The following PDE4D variants were observed in gnomAD, a reference collection of about 807,000 sequenced individuals.
PDE4D encodes phosphodiesterase 4D.
PDE4D carries 24 observed loss-of-function variants against 87.4 expected under a neutral mutation model. The ratio of observed to expected loss-of-function variants is 0.27; its 90% confidence interval spans 0.20 to 0.39. The LOEUF (loss-of-function observed/expected upper bound fraction) is 0.39. Among genes scored for constraint, PDE4D ranks in the 10% least tolerant of loss-of-function variants. PDE4D has a pLI of 1.00. For missense variants in PDE4D, 714 were observed against 1,041.0 expected (o/e 0.69, Z 4.32); for synonymous variants, 384 against 383.2 (o/e 1.00, Z -0.02).
Position 59,507,228 on chromosome 5 carries a change from AG to A in PDE4D, c.456-291261del, listed in dbSNP as rs1809418832. Among the ~76,000 whole-genome samples the A allele has an allele frequency of 2.0e-5, 3 of 152,112 alleles. No homozygotes were observed. In the South Asian group the frequency reaches 6.2e-4, roughly 32 times the overall value. The stretch of plus-strand genomic sequence containing the variant: ...GTGCCTGTAGACCCAACTACTTAGG[AG>A]GCTGAGGCAGGAGAATTGCTTGAAC... On this transcript the variant is annotated intron_variant, in intron 1 of 14. Transcript: ENST00000340635.
intron 2 of PDE4D, among the ~76,000 whole-genome samples, chr5:60,086,344 C>A (rs988131955): frequency 1.3e-5 from 2 of 152,078 alleles, no homozygotes; most frequent in Non-Finnish European, 2.9e-5. Flanking sequence ...TACTCAATGT[C>A]CAGGGAGCTT....
chr5:60,153,836 A>G (rs540967812), intron 2 of PDE4D, among the ~76,000 whole-genome samples: 1 of 152,302 alleles, frequency 6.6e-6, no homozygotes, highest in East Asian at 1.9e-4. Flanking sequence ...ACAGAGTAAA[A>G]CAGTGGTTGC....
chr5:59,676,012 A>G lies in PDE4D; in HGVS notation c.455+217156T>C, dbSNP rs568291551. ...CAACCAAAAAATATAGTGTTAAGAG[A>G]TCACACTGTGACCTATAACATTTAT... On this transcript the variant is annotated intron_variant, in intron 1 of 14. Coordinates refer to ENST00000340635, the MANE Select transcript of PDE4D (RefSeq NM_001104631.2). Among the ~76,000 whole-genome samples, 12 of 152,210 alleles carry G rather than the reference A, an allele frequency of 7.9e-5. No homozygotes were observed. The East Asian group carries it at 2.3e-3, about 29-fold the overall frequency.
chr5:59,882,876 C>G (rs1293130393), intron 1 of PDE4D, among the ~76,000 whole-genome samples: 1 of 151,812 alleles, frequency 6.6e-6, no homozygotes, highest in Non-Finnish European at 1.5e-5. Context: ...CTCCCAGGGT[C>G]AAGCAATTCT....
intron 2 of PDE4D, among the ~76,000 whole-genome samples, chr5:60,009,580 T>C (rs1764816140): frequency 6.6e-6 from 1 of 152,014 alleles, no homozygotes; most frequent in Non-Finnish European, 1.5e-5. Flanking sequence ...CTAAAGTAGA[T>C]AGAATGTGTT....
intron 2 of PDE4D, among the ~76,000 whole-genome samples, chr5:60,158,084 G>A (rs1027973173): frequency 6.6e-6 from 1 of 152,128 alleles, no homozygotes; most frequent in Non-Finnish European, 1.5e-5. Flanking sequence ...TGAGTTAATT[G>A]CATGCTTAGC....
At chr5:59,593,495 A>C (rs1242904826) in intron 1 of PDE4D, among the ~76,000 whole-genome samples, 1 of 152,174 alleles carries the variant, frequency 6.6e-6, no homozygotes, top group African/African-American at 2.4e-5. Context: ...TCCCAGTAAA[A>C]AAGTAACATA....
At chr5:59,160,415 T>C (rs990798553) in intron 5 of PDE4D, among the ~76,000 whole-genome samples, 8 of 152,212 alleles carry the variant, frequency 5.3e-5, no homozygotes, top group Non-Finnish European at 1.0e-4. Context: ...TTACATCTTA[T>C]GCTTGAATAT....
intron 1 of PDE4D, among the ~76,000 whole-genome samples, chr5:59,246,428 A>C (rs559815924): frequency 6.6e-6 from 1 of 152,298 alleles, no homozygotes; most frequent in African/African-American, 2.4e-5. Flanking sequence ...TTCTGTATTC[A>C]TTATCCTAAT....
intron 1 of PDE4D, among the ~76,000 whole-genome samples, chr5:59,620,315 G>A (rs1830197789): frequency 6.6e-6 from 1 of 152,138 alleles, no homozygotes; most frequent in South Asian, 2.1e-4. Context: ...TCACACAGGT[G>A]GATTAATCCT....
chr5:59,132,796 A>T (rs758713615), intron 5 of PDE4D, among the ~76,000 whole-genome samples: 46 of 152,162 alleles, frequency 3.0e-4, no homozygotes, highest in Non-Finnish European at 5.1e-4. Context: ...TGTCAACAAG[A>T]TATACTAGAA....
intron 1 of PDE4D, among the ~76,000 whole-genome samples, chr5:59,274,214 G>C (rs1025127843): frequency 1.3e-5 from 2 of 152,022 alleles, no homozygotes; most frequent in South Asian, 2.1e-4. Context: ...TTTATTGCAC[G>C]TGTTATTTTG....
chr5:59,197,416 A>G (rs1014200698), intron 2 of PDE4D, among the ~76,000 whole-genome samples: 1 of 152,232 alleles, frequency 6.6e-6, no homozygotes, highest in Non-Finnish European at 1.5e-5. Flanking sequence ...TTTTAGTAAC[A>G]GTAAAATGAT....
intron 1 of PDE4D, among the ~76,000 whole-genome samples, chr5:59,825,984 A>T (rs1770276514): frequency 6.6e-6 from 1 of 152,170 alleles, no homozygotes; most frequent in South Asian, 2.1e-4. Context: ...ATGGCTTCTA[A>T]GCACACCTTT....
intron 5 of PDE4D, among the ~76,000 whole-genome samples, chr5:59,112,253 G>C (rs1330470233): frequency 6.6e-6 from 1 of 152,172 alleles, no homozygotes; most frequent in African/African-American, 2.4e-5. Context: ...TAATGGGCTG[G>C]AGCTGAGTGA....
At chr5:60,484,041 C>A (rs371994841) in intron 1 of PDE4D, among the ~76,000 whole-genome samples, 1 of 152,102 alleles carries the variant, frequency 6.6e-6, no homozygotes, top group African/African-American at 2.4e-5. Context: ...TTCAAAACTG[C>A]TAATTGATCT....
chr5:59,703,637 T>C (rs1241555697), intron 1 of PDE4D: 1 of 533,960 alleles, frequency 1.9e-6, no homozygotes, highest in East Asian at 5.5e-5. Context: ...TTGGGTTCAG[T>C]TGTTCAACCA....
At chr5:59,637,617 T>C (rs887518509) in intron 1 of PDE4D, among the ~76,000 whole-genome samples, 4 of 151,056 alleles carry the variant, frequency 2.6e-5, no homozygotes, top group Non-Finnish European at 5.9e-5. Context: ...TGGATGAAGC[T>C]TGAAACCATC....
intron 1 of PDE4D, among the ~76,000 whole-genome samples, chr5:59,590,746 G>C (rs1407175858): frequency 6.6e-6 from 1 of 151,980 alleles, no homozygotes; most frequent in Non-Finnish European, 1.5e-5. Context: ...AAGCACAAGA[G>C]TAAGTGAACT....
Sources: allele counts gnomAD v4.1 joint callset (sites outside exome capture counted in the v4.1 genomes callset), GRCh38; gene constraint gnomAD v4.1.1; transcripts MANE v1.5; gene names NCBI Gene and HGNC (gene_info 2026-07-23, HGNC 2026-07-21).